The following GLIS3 variants were observed in gnomAD, a reference collection of about 807,000 sequenced individuals.
GLIS3 encodes GLIS family zinc finger 3, also known as zinc finger protein GLIS3.
Under a neutral mutation model 78.6 loss-of-function variants are expected in GLIS3, and 53 were observed. The ratio of observed to expected loss-of-function variants is 0.67; its 90% confidence interval spans 0.54 to 0.85. The LOEUF (loss-of-function observed/expected upper bound fraction) is 0.85. Ranked by LOEUF, GLIS3 falls within the 40% of genes least tolerant of loss-of-function variation. The pLI is 0.00. For synonymous variants in GLIS3, 684 were observed against 509.9 expected, an observed-to-expected ratio of 1.34 and a Z score of -4.60; for missense variants, 1,703 against 1,231.1, an observed-to-expected ratio of 1.38 and a Z score of -5.74.
intron 2 of GLIS3, among the ~76,000 whole-genome samples, chr9:4,261,004 A>T (rs1479406702): frequency 6.6e-6 from 1 of 152,230 alleles, no homozygotes; most frequent in Non-Finnish European, 1.5e-5. Context: ...GGCTGTAATT[A>T]TATTTCTACA....
At chr9:3,987,371 A>C (rs1819824488) in intron 4 of GLIS3, among the ~76,000 whole-genome samples, 1 of 152,128 alleles carries the variant, frequency 6.6e-6, no homozygotes, top group Admixed American at 6.5e-5. Flanking sequence ...TCAGAGTTCC[A>C]GAAGAGAAGA....
chr9:4,275,526 G>C (rs768091826), intron 2 of GLIS3, among the ~76,000 whole-genome samples: 1 of 151,796 alleles, frequency 6.6e-6, no homozygotes, highest in South Asian at 2.1e-4. Flanking sequence ...TTGGGAGGCC[G>C]AGGTGGAAGG....
At chr9:4,407,925 A>T in the GLIS3 span, among the ~76,000 whole-genome samples, 1 of 152,216 alleles carries the variant, frequency 6.6e-6, no homozygotes, top group African/African-American at 2.4e-5. Flanking sequence ...GAGGAAAAAA[A>T]AATCTAATAA....
intron 2 of GLIS3, among the ~76,000 whole-genome samples, chr9:4,253,450 C>T (rs150409065): frequency 9.4e-4 from 143 of 152,306 alleles, no homozygotes; most frequent in Non-Finnish European, 1.4e-3. Context: ...TGGTGGATGA[C>T]GCTCCCCCGA....
chr9:4,441,451 A>C, the GLIS3 span, among the ~76,000 whole-genome samples: 1 of 152,186 alleles, frequency 6.6e-6, no homozygotes, highest in Non-Finnish European at 1.5e-5. Context: ...ATTTGCATAT[A>C]TTGAACCATC....
chr9:4,065,889 C>A (rs1328758138), intron 4 of GLIS3, among the ~76,000 whole-genome samples: 1 of 151,880 alleles, frequency 6.6e-6, no homozygotes, highest in African/African-American at 2.4e-5. Flanking sequence ...GCTAAGAAGA[C>A]CGTAATTTTA....
At chr9:4,364,200 G>C in the GLIS3 span, among the ~76,000 whole-genome samples, 1 of 152,148 alleles carries the variant, frequency 6.6e-6, no homozygotes, top group South Asian at 2.1e-4. Flanking sequence ...ATATCCCTCA[G>C]TCTACTGAAA....
At chr9:4,173,219 T>C (rs985369701) in intron 2 of GLIS3, among the ~76,000 whole-genome samples, 1 of 152,124 alleles carries the variant, frequency 6.6e-6, no homozygotes, top group Non-Finnish European at 1.5e-5. Flanking sequence ...GGAATACAAG[T>C]GGGAAAAACA....
rs141894207 is a variant in GLIS3 at position 4,169,311 on chromosome 9, C to G, written c.389-43370G>C. On this transcript the variant is annotated intron_variant, in intron 2 of 10. Coordinates refer to ENST00000381971, the MANE Select transcript of GLIS3 (RefSeq NM_001042413.2). Reference sequence around the variant, plus strand: ...TACTAGCCTCAGATTCTGGAAGTTACTAACCAGTTTGAACACCCTAAGAAG... The same window carrying G: ...TACTAGCCTCAGATTCTGGAAGTTAGTAACCAGTTTGAACACCCTAAGAAG... 1.4e-3 allele frequency among the ~76,000 whole-genome samples: 206 copies of G among 152,314 alleles called. 2 individuals carry two copies. Among genetic ancestry groups the G allele is most frequent in the African/African-American group, 4.1e-3 (171 of 41,570 alleles).
intron 4 of GLIS3, among the ~76,000 whole-genome samples, chr9:4,030,351 C>G (rs1331611324): frequency 6.6e-6 from 1 of 152,122 alleles, no homozygotes; most frequent in Non-Finnish European, 1.5e-5. Context: ...TAGTTAATCC[C>G]TTGTCAAATG....
At chr9:3,966,522 G>A (rs926863166) in intron 4 of GLIS3, among the ~76,000 whole-genome samples, 15 of 151,680 alleles carry the variant, frequency 9.9e-5, no homozygotes, top group South Asian at 2.1e-4. Flanking sequence ...TAGGCCAGGC[G>A]CGGTGACTCA....
intron 9 of GLIS3, among the ~76,000 whole-genome samples, chr9:3,841,274 A>T (rs2130073348): frequency 6.6e-6 from 1 of 152,328 alleles, no homozygotes; most frequent in Admixed American, 6.5e-5. Flanking sequence ...AGTTATAGTA[A>T]AATGGTTCAG....
the GLIS3 span, among the ~76,000 whole-genome samples, chr9:4,377,969 A>G: frequency 6.6e-6 from 1 of 152,316 alleles, no homozygotes; most frequent in Non-Finnish European, 1.5e-5. Flanking sequence ...ATAAGATTGT[A>G]AAGCATACCA....
intron 4 of GLIS3, among the ~76,000 whole-genome samples, chr9:3,959,428 G>C (rs1177919119): frequency 6.6e-6 from 1 of 152,176 alleles, no homozygotes; most frequent in Admixed American, 6.5e-5. Context: ...AGAGGACTAA[G>C]GCAGCTTTAA....
intron 2 of GLIS3, among the ~76,000 whole-genome samples, chr9:4,158,954 G>A (rs1221885293): frequency 1.3e-5 from 2 of 149,542 alleles, no homozygotes; most frequent in African/African-American, 5.0e-5. Flanking sequence ...TACGGGGGCG[G>A]AGTCCCGGGC....
At chr9:4,379,792 G>C in the GLIS3 span, among the ~76,000 whole-genome samples, 1 of 152,180 alleles carries the variant, frequency 6.6e-6, no homozygotes, top group African/African-American at 2.4e-5. Flanking sequence ...TTGAAGAAAG[G>C]AGCTCACTTT....
chr9:4,135,929 T>C (rs1833374443), intron 2 of GLIS3, among the ~76,000 whole-genome samples: 2 of 152,348 alleles, frequency 1.3e-5, no homozygotes, highest in South Asian at 4.1e-4. Flanking sequence ...AAATTCATAA[T>C]ATTTCACTGC....
intron 2 of GLIS3, among the ~76,000 whole-genome samples, chr9:4,266,494 C>T (rs1311015544): frequency 6.6e-6 from 1 of 152,062 alleles, no homozygotes; most frequent in Non-Finnish European, 1.5e-5. Context: ...TAATTAGGAA[C>T]AAACCATCTG....
intron 2 of GLIS3, among the ~76,000 whole-genome samples, chr9:4,160,413 G>A (rs528044311): frequency 1.8e-4 from 27 of 152,330 alleles, no homozygotes; most frequent in African/African-American, 5.5e-4. Flanking sequence ...AGGATCTGAT[G>A]CCAGGAAAAT....
Sources: allele counts gnomAD v4.1 joint callset (sites outside exome capture counted in the v4.1 genomes callset), GRCh38; gene constraint gnomAD v4.1.1; transcripts MANE v1.5; gene names NCBI Gene and HGNC (gene_info 2026-07-23, HGNC 2026-07-21).